Variants in MAPK10 observed in about 807,000 individuals in gnomAD.
MAPK10 encodes the protein mitogen-activated protein kinase 10.
In MAPK10, 25 loss-of-function variants were observed where a neutral mutation model predicts 59.3. The observed-to-expected ratio is 0.42, with a 90% CI of 0.31 to 0.59. MAPK10 has a LOEUF of 0.59. MAPK10 is among the 20% of genes least tolerant of loss of function. The pLI is 0.15. For synonymous variants in MAPK10, 190 were observed against 200.5 expected, an observed-to-expected ratio of 0.95 and a Z score of 0.44; for missense variants, 351 against 568.9, an observed-to-expected ratio of 0.62 and a Z score of 3.90.
chr4:86,199,831 G>A (rs2082217499), intron 2 of MAPK10, among the ~76,000 whole-genome samples: 1 of 151,956 alleles, frequency 6.6e-6, no homozygotes. Context: ...GGATGTGTAT[G>A]CACGTTTGGT....
chr4:86,194,025 C>T, intron 3 of MAPK10: 1 of 307,406 alleles, frequency 3.3e-6, no homozygotes, highest in Non-Finnish European at 6.1e-6. Flanking sequence ...CTTGCACTTC[C>T]TGGGTGAGGC....
At chr4:86,131,993 T>C (rs2061086566) in intron 4 of MAPK10, among the ~76,000 whole-genome samples, 1 of 152,206 alleles carries the variant, frequency 6.6e-6, no homozygotes, top group African/African-American at 2.4e-5. Flanking sequence ...TCCTTTCTGC[T>C]TCTAGTCAGT....
intron 11 of MAPK10, among the ~76,000 whole-genome samples, chr4:86,040,637 C>T (rs2041323920): frequency 6.6e-6 from 1 of 151,948 alleles, no homozygotes; most frequent in Non-Finnish European, 1.5e-5. Context: ...GTTCTCTAAT[C>T]AGATTCAATT....
At chr4:86,465,878 T>A (rs1752157309) in intron 1 of MAPK10, among the ~76,000 whole-genome samples, 1 of 152,134 alleles carries the variant, frequency 6.6e-6, no homozygotes, top group East Asian at 1.9e-4. Context: ...TGGGGACAGA[T>A]CAAGAAGCTG....
At chr4:86,084,892 A>G (rs1276846063) in intron 9 of MAPK10, among the ~76,000 whole-genome samples, 1 of 152,218 alleles carries the variant, frequency 6.6e-6, no homozygotes, top group Non-Finnish European at 1.5e-5. Flanking sequence ...ACTGGCATAA[A>G]AACAGACACA....
chr4:86,091,753 A>G (rs1468189278), intron 9 of MAPK10, among the ~76,000 whole-genome samples: 3 of 151,754 alleles, frequency 2.0e-5, no homozygotes, highest in African/African-American at 7.3e-5. Flanking sequence ...GGCTCACTGC[A>G]ACCTCTGCCC....
chr4:86,250,685 T>TA (rs1176578154), intron 2 of MAPK10, among the ~76,000 whole-genome samples: 4 of 151,868 alleles, frequency 2.6e-5, no homozygotes, highest in East Asian at 1.9e-4. Context: ...GCAAAGAAAG[T>TA]AAAAAAAAGT....
intron 1 of MAPK10, among the ~76,000 whole-genome samples, chr4:86,380,749 T>C (rs1030696178): frequency 2.0e-5 from 3 of 152,088 alleles, no homozygotes; most frequent in Admixed American, 1.3e-4. Flanking sequence ...ATGAACACAA[T>C]GTGGCTATTT....
intron 2 of MAPK10, among the ~76,000 whole-genome samples, chr4:86,198,411 C>T (rs1432963471): frequency 6.6e-6 from 1 of 152,072 alleles, no homozygotes; most frequent in Non-Finnish European, 1.5e-5. Context: ...TGAGTTCTGA[C>T]ATTCTAACTG....
chr4:86,365,680 T>C (rs1737752669), intron 1 of MAPK10, among the ~76,000 whole-genome samples: 1 of 152,112 alleles, frequency 6.6e-6, no homozygotes, highest in Admixed American at 6.6e-5. Flanking sequence ...TGTTGTGATA[T>C]ATACAATATT....
intron 4 of MAPK10, chr4:86,152,560 A>G (rs2066733931): frequency 6.6e-6 from 1 of 152,158 alleles, no homozygotes. Context: ...CATCTTCCAA[A>G]CTAAAAGATG....
intron 1 of MAPK10, among the ~76,000 whole-genome samples, chr4:86,490,170 A>T (rs1754352254): frequency 6.6e-6 from 1 of 152,220 alleles, no homozygotes; most frequent in African/African-American, 2.4e-5. Context: ...TAGTTATGCC[A>T]CTGAGAAGCT....
intron 1 of MAPK10, among the ~76,000 whole-genome samples, chr4:86,471,169 T>C (rs1247207543): frequency 1.3e-5 from 2 of 150,082 alleles, no homozygotes; most frequent in African/African-American, 4.9e-5. Flanking sequence ...CTCAGGAGGC[T>C]GAGGCAGGAG....
At chr4:86,058,702 G>C (rs1561110023) in intron 11 of MAPK10, among the ~76,000 whole-genome samples, 1 of 136,538 alleles carries the variant, frequency 7.3e-6, no homozygotes, top group Non-Finnish European at 1.6e-5. Context: ...CCTTATCTCT[G>C]ACACCTTTAA....
intron 1 of MAPK10, among the ~76,000 whole-genome samples, chr4:86,493,812 T>C (rs1754662992): frequency 6.6e-6 from 1 of 152,190 alleles, no homozygotes; most frequent in South Asian, 2.1e-4. Context: ...AAAAAGAGCA[T>C]GTATATGTGT....
chr4:86,066,412 C>A (rs1393618486), intron 10 of MAPK10, among the ~76,000 whole-genome samples: 1 of 152,098 alleles, frequency 6.6e-6, no homozygotes, highest in East Asian at 1.9e-4. Flanking sequence ...CATCCAAATT[C>A]ATGTACCATT....
intron 1 of MAPK10, among the ~76,000 whole-genome samples, chr4:86,481,985 G>A (rs1015874582): frequency 2.0e-5 from 3 of 152,078 alleles, no homozygotes; most frequent in Admixed American, 1.3e-4. Flanking sequence ...AAGAATAACC[G>A]TAATACAAGA....
At chr4:86,086,428 G>C (rs1014615009) in intron 9 of MAPK10, among the ~76,000 whole-genome samples, 1 of 152,062 alleles carries the variant, frequency 6.6e-6, no homozygotes, top group Non-Finnish European at 1.5e-5. Context: ...TAACACAAAG[G>C]ATAAATACTT....
chr4:86,519,756 G>A (rs1756978679), intron 1 of MAPK10, among the ~76,000 whole-genome samples: 1 of 152,062 alleles, frequency 6.6e-6, no homozygotes, highest in Non-Finnish European at 1.5e-5. Flanking sequence ...GGTATTTTGA[G>A]GTTTTATTTC....
Sources: gnomAD v4.1 joint callset for allele counts (sites outside exome capture counted in the v4.1 genomes callset) on GRCh38, gnomAD v4.1.1 for gene constraint, MANE v1.5 for transcripts, NCBI Gene and HGNC (gene_info 2026-07-23, HGNC 2026-07-21) for gene names.